The following CRISP2 variants were observed in gnomAD, a reference collection of about 807,000 sequenced individuals.
CRISP2 encodes the protein cysteine rich secretory protein 2.
In CRISP2, 29 loss-of-function variants were observed where a neutral mutation model predicts 31.7. The observed-to-expected ratio is 0.92, with a 90% CI of 0.68 to 1.25. The LOEUF (loss-of-function observed/expected upper bound fraction) is 1.25. Among genes scored for constraint, CRISP2 ranks in the 50% most tolerant of loss-of-function variants. CRISP2 has a pLI of 0.00. For missense variants in CRISP2, 318 were observed against 286.5 expected (o/e 1.11, Z -0.79); for synonymous variants, 111 against 101.4 (o/e 1.09, Z -0.57).
intron 1 of CRISP2, among the ~76,000 whole-genome samples, chr6:49,713,209 T>C (rs1768348354): frequency 6.6e-6 from 1 of 152,180 alleles, no homozygotes; most frequent in Non-Finnish European, 1.5e-5. Context: ...ATGGGTCTTA[T>C]GTACTTAGAA....
chr6:49,695,080 G>A (rs2127388634), intron 9 of CRISP2, among the ~76,000 whole-genome samples: 1 of 152,218 alleles, frequency 6.6e-6, no homozygotes, highest in East Asian at 1.9e-4. Context: ...CATTGAAGAG[G>A]TAAAAATTTC....
chr6:49,704,217 T>A (rs1766600182), intron 4 of CRISP2, among the ~76,000 whole-genome samples: 1 of 152,144 alleles, frequency 6.6e-6, no homozygotes, highest in Non-Finnish European at 1.5e-5. Context: ...TGTTTTTTTA[T>A]TTGTGATATT....
chr6:49,685,948 C>A, the CRISP2 span, among the ~76,000 whole-genome samples: 1 of 152,116 alleles, frequency 6.6e-6, no homozygotes. Context: ...CTCCTCCCAA[C>A]CATTTTTTCT....
At chr6:49,685,696 G>C in the CRISP2 span, among the ~76,000 whole-genome samples, 4 of 152,240 alleles carry the variant, frequency 2.6e-5, no homozygotes, top group East Asian at 7.7e-4. Context: ...TTTGTTTGCA[G>C]TTTTTATCTT....
chr6:49,694,820 G>A (rs1211048039), intron 9 of CRISP2, among the ~76,000 whole-genome samples: 8 of 148,168 alleles, frequency 5.4e-5, no homozygotes, highest in South Asian at 2.1e-4. Context: ...TGCAATCTCC[G>A]CCTCCTGGGT....
rs1766602970 is a variant in CRISP2, at chr6:49,704,228, TA to T, written c.67-3445del. ...TGATTGTTTTTTTATTTGTGATATT[TA>T]TTTTTCTGGAAATTTTTTCATTCAT... On this transcript the variant is annotated intron_variant, in intron 4 of 9. Coordinates refer to ENST00000339139, the MANE Select transcript of CRISP2 (RefSeq NM_003296.4). 2.6e-5 allele frequency among the ~76,000 whole-genome samples: 4 copies of T among 152,288 alleles called. No homozygotes were observed. The South Asian group carries it at 8.3e-4, about 32-fold the overall frequency.
intron 4 of CRISP2, among the ~76,000 whole-genome samples, chr6:49,702,099 A>G (rs1304276168): frequency 1.1e-5 from 1 of 92,356 alleles, no homozygotes; most frequent in Non-Finnish European, 2.0e-5. Context: ...TATATATTAT[A>G]TATGTATACT....
rs779531809 is a variant in CRISP2 at position 49,697,784 on chromosome 6, G to T, written c.515+76C>A. On this transcript the variant is annotated intron_variant, in intron 8 of 9. Transcript: ENST00000339139. Reference sequence around the variant, plus strand: ...TTTATTGAGATATGTTTTCATTCTGGTTTAAGATATGAGAATTATTAAAAA... The same window carrying T: ...TTTATTGAGATATGTTTTCATTCTGTTTTAAGATATGAGAATTATTAAAAA... 1.4e-5 allele frequency: 23 copies of T among 1,603,486 alleles called. No individual in the cohort carries two copies. The Admixed American group carries it at 3.4e-4, about 23-fold the overall frequency.
chr6:49,702,027 T>TTA (rs1232905610), intron 4 of CRISP2, among the ~76,000 whole-genome samples: 1 of 108,388 alleles, frequency 9.2e-6, no homozygotes, highest in Non-Finnish European at 1.8e-5. Context: ...ATACATTATA[T>TTA]ATGTATACAT....
chr6:49,710,808 C>G (rs187360), intron 3 of CRISP2, among the ~76,000 whole-genome samples: 38,226 of 151,972 alleles, frequency 0.25, 5,044 homozygotes, highest in East Asian at 0.47. Context: ...AGGTCATTCT[C>G]AATACAAATT....
At chr6:49,704,331 AC>A (rs1766624091) in intron 4 of CRISP2, among the ~76,000 whole-genome samples, 1 of 152,090 alleles carries the variant, frequency 6.6e-6, no homozygotes, top group African/African-American at 2.4e-5. Flanking sequence ...TTAATAATTA[AC>A]CTTCTGAATT....
At chr6:49,686,070 G>T in the CRISP2 span, among the ~76,000 whole-genome samples, 5 of 152,044 alleles carry the variant, frequency 3.3e-5, no homozygotes, top group Non-Finnish European at 7.4e-5. Flanking sequence ...GCAAAAATGT[G>T]AAGCCATATA....
At chr6:49,701,500 G>GTATGTATATATA (rs1765691951) in intron 4 of CRISP2, among the ~76,000 whole-genome samples, 1 of 46,556 alleles carries the variant, frequency 2.1e-5, no homozygotes, top group African/African-American at 1.0e-4. Context: ...GTGTGTGTGT[G>GTATGTATATATA]TATATATATA....
At chr6:49,703,780 G>A (rs545522767) in intron 4 of CRISP2, among the ~76,000 whole-genome samples, 28 of 152,086 alleles carry the variant, frequency 1.8e-4, no homozygotes, top group Admixed American at 5.2e-4. Context: ...CTCACAGCTC[G>A]TAATATTCTT....
downstream of CRISP2, among the ~76,000 whole-genome samples, chr6:49,690,416 T>G (rs1396006032): frequency 6.6e-6 from 1 of 152,046 alleles, no homozygotes; most frequent in Non-Finnish European, 1.5e-5. Flanking sequence ...AATACGATTC[T>G]GACCAGATTA....
chr6:49,692,070 T>C (rs915026586), downstream of CRISP2, among the ~76,000 whole-genome samples: 1 of 152,138 alleles, frequency 6.6e-6, no homozygotes, highest in East Asian at 1.9e-4. Flanking sequence ...AATTATGTCC[T>C]CTTTTCGTTG....
At chr6:49,698,240 A>G in intron 7 of CRISP2, 122 bp downstream of exon 7, 1 of 1,169,162 alleles carries the variant, frequency 8.6e-7, no homozygotes, top group African/African-American at 1.6e-5. Context: ...GCCAAATGCC[A>G]AGACTGTATT....
chr6:49,680,697 A>G, the CRISP2 span, among the ~76,000 whole-genome samples: 1 of 152,134 alleles, frequency 6.6e-6, no homozygotes, highest in African/African-American at 2.4e-5. Context: ...AGCTATTCTG[A>G]CTGGTGTGAG....
intron 2 of CRISP2, 106 bp downstream of exon 2, chr6:49,712,395 A>C (rs1483920995): frequency 6.6e-6 from 1 of 152,216 alleles, no homozygotes; most frequent in African/African-American, 2.4e-5. Context: ...AGTATATTCA[A>C]GGAAAAATAT....
Sources: allele counts gnomAD v4.1 joint callset (sites outside exome capture counted in the v4.1 genomes callset), GRCh38; gene constraint gnomAD v4.1.1; transcripts MANE v1.5; gene names NCBI Gene and HGNC (gene_info 2026-07-23, HGNC 2026-07-21).